The following MVB12A variants were observed in gnomAD, a reference collection of about 807,000 sequenced individuals.
The protein encoded by MVB12A is multivesicular body subunit 12A, also known as CIN85/CD2AP family binding protein.
A neutral mutation model predicts 34.3 loss-of-function variants in MVB12A; 30 were observed. That is an observed-to-expected ratio of 0.88 (90% CI 0.65 to 1.19). MVB12A has a LOEUF of 1.19. Among genes scored for constraint, MVB12A ranks in the 50% most tolerant of loss-of-function variants. The pLI is 0.00. For synonymous variants in MVB12A, 158 were observed against 158.9 expected (o/e 0.99, Z 0.04); for missense variants, 355 against 369.2 (o/e 0.96, Z 0.31).
chr19:17,413,610 AG>A (rs2074782178), intron 2 of MVB12A, among the ~76,000 whole-genome samples: 1 of 151,930 alleles, frequency 6.6e-6, no homozygotes, highest in African/African-American at 2.4e-5. Context: ...CTTGAGCCCA[AG>A]GGGTAGGAGG....
At position 17,420,613 on chromosome 19, in the gene MVB12A, G is replaced by A; in HGVS notation, c.265G>A (p.Val89Ile). 6.2e-7 allele frequency: 1 copy of A among 1,612,858 alleles called. No individual in the cohort carries two copies. Among genetic ancestry groups the A allele is most frequent in the South Asian group, 1.1e-5 (1 of 91,054 alleles). ...KSPLPLGFSP[V>I]CDPMDSKASV... is the part of the protein sequence containing the mutation. Reference sequence around the variant, plus strand: ...CCCCCTGCCGCTGGGCTTCTCCCCCGTCTGCGACCCCATGGATTCCAGTAA... The same window carrying A: ...CCCCCTGCCGCTGGGCTTCTCCCCCATCTGCGACCCCATGGATTCCAGTAA... Residue 89 changes from valine (V) to isoleucine (I), a missense_variant, in exon 3 of 9, where the codon GTC (valine) becomes ATC (isoleucine). Physicochemically the swap from Val to Ile is conservative, Grantham distance 29. Coordinates refer to ENST00000317040, the MANE Select transcript of MVB12A (RefSeq NM_138401.4).
upstream of MVB12A, among the ~76,000 whole-genome samples, chr19:17,416,105 C>T (rs1035726944): frequency 6.6e-5 from 10 of 152,122 alleles, no homozygotes; most frequent in Non-Finnish European, 5.9e-5. Context: ...TTTTTTGAGA[C>T]GGAGTCTTGC....
At position 17,425,310 on chromosome 19, in the gene MVB12A, A is replaced by G; in HGVS notation, c.*317A>G. 3 of 377,396 alleles carry G rather than the reference A, an allele frequency of 7.9e-6. No homozygotes were observed. The highest frequency in any genetic ancestry group is 1.4e-5 in the Non-Finnish European group (3 of 208,490). 23.4% of individuals were successfully genotyped at this position (377,396 alleles called of 1,614,324 possible). A position where few individuals can be genotyped will look rare whatever the true frequency, so the allele number is the denominator to read the frequency against. On this transcript the variant is annotated 3_prime_UTR_variant, in exon 9 of 9. Coordinates refer to ENST00000317040, the MANE Select transcript of MVB12A (RefSeq NM_138401.4). ...AGGCTGTGCGGGTGTCCTCCTGGCA[A>G]TAAACACTACCCGGTTCTCGCCCTC...
Position 17,422,321 on chromosome 19 carries a change from C to G in MVB12A, c.287-11C>G, listed in dbSNP as rs781466611. On this transcript the variant is annotated splice_polypyrimidine_tract_variant and intron_variant, in intron 3 of 8. Transcript: ENST00000317040. ...GCTTCCCTCTCTCACTCCCCTACCC[C>G]CCACTCCCAGAGGCCTCTGTGTCCA... 12 of 1,608,992 alleles carry G rather than the reference C, an allele frequency of 7.5e-6. No individual in the cohort carries two copies. In the African/African-American group the frequency reaches 1.3e-4, roughly 18 times the overall value.
intron 3 of MVB12A, 21 bp downstream of exon 3, chr19:17,420,655 G>A (rs765950113): frequency 2.6e-6 from 4 of 1,558,260 alleles, no homozygotes; most frequent in African/African-American, 2.7e-5. Context: ...CTTCGGAGGC[G>A]AGAGTTGTCC....
intron 2 of MVB12A, chr19:17,414,949 G>A (rs1174561333): frequency 6.6e-6 from 1 of 152,190 alleles, no homozygotes; most frequent in Non-Finnish European, 1.5e-5. Context: ...AGCACTTTGG[G>A]AGGCAGAGGC....
Position 17,422,323 on chromosome 19 carries a change from C to CA in MVB12A, c.287-8dup. 1 of 1,609,202 alleles carries CA rather than the reference C, an allele frequency of 6.2e-7. No homozygotes were observed. The highest frequency in any genetic ancestry group is 2.2e-5 in the East Asian group (1 of 44,680). On this transcript the variant is annotated splice_polypyrimidine_tract_variant and intron_variant, in intron 3 of 8. Transcript: ENST00000317040. ...TTCCCTCTCTCACTCCCCTACCCCC[C>CA]ACTCCCAGAGGCCTCTGTGTCCAAG...
chr19:17,410,575 TACATATATATATACAC>T (rs1226436527), intron 2 of MVB12A, among the ~76,000 whole-genome samples: 3 of 120,750 alleles, frequency 2.5e-5, no homozygotes, highest in South Asian at 2.4e-4. Flanking sequence ...TACATATATA[TACATATATATATACAC>T]ACATATATAT....
At chr19:17,410,539 CAT>C (rs1287902219) in intron 2 of MVB12A, among the ~76,000 whole-genome samples, 980 of 69,556 alleles carry the variant, frequency 0.014, 36 homozygotes, top group African/African-American at 0.021. Context: ...TACACACACA[CAT>C]ATATATATAC....
Position 17,423,817 on chromosome 19 carries a change from A to G in MVB12A, c.640+18A>G, listed in dbSNP as rs756981459. On this transcript the variant is annotated intron_variant, in intron 6 of 8. Transcript: ENST00000317040. ...CATCTCAGGTGAGCACAGAGTGGGG[A>G]AACTGAGGCGTGGAAGTGGAGGGTG... The G allele has an allele frequency of 1.2e-6, 2 of 1,610,332 alleles. No homozygotes were observed. The highest frequency in any genetic ancestry group is 2.2e-5 in the South Asian group (2 of 91,028).
Position 17,425,210 on chromosome 19 carries a change from C to G in MVB12A, c.*217C>G. 1.9e-6 allele frequency: 1 copy of G among 527,930 alleles called. No homozygotes were observed. The highest frequency in any genetic ancestry group is 3.3e-6 in the Non-Finnish European group (1 of 299,810). 32.7% of individuals were successfully genotyped at this position (527,930 alleles called of 1,614,324 possible). ...GGTGATGGGGTCTCCGCCCCCACGCCCTGCCGGGCAGGGCTGGAGCTGGAC... is the reference window on the plus strand; with the variant it reads ...GGTGATGGGGTCTCCGCCCCCACGCGCTGCCGGGCAGGGCTGGAGCTGGAC... On this transcript the variant is annotated 3_prime_UTR_variant, in exon 9 of 9. Coordinates refer to ENST00000317040, the MANE Select transcript of MVB12A (RefSeq NM_138401.4).
upstream of MVB12A, chr19:17,416,993 T>C (rs1329733176): frequency 9.8e-6 from 3 of 307,504 alleles, no homozygotes; most frequent in East Asian, 8.8e-5. Context: ...ACTCCTGGCA[T>C]AGAAAGTTTT....
intron 2 of MVB12A, among the ~76,000 whole-genome samples, chr19:17,413,827 T>G (rs533009022): frequency 6.6e-6 from 1 of 152,322 alleles, no homozygotes; most frequent in Admixed American, 6.5e-5. Context: ...AGTGCTTAGC[T>G]TAGCACTTTG....
At chr19:17,424,524 G>A in intron 7 of MVB12A, 97 bp from the exon 8 acceptor site, 8 of 1,228,300 alleles carry the variant, frequency 6.5e-6, no homozygotes, top group South Asian at 1.3e-5. Context: ...GGGAATATTC[G>A]GGGAGTGTTG....
exon 2 of MVB12A, chr19:17,406,249 C>A (rs1406846943): frequency 6.6e-6 from 1 of 152,194 alleles, no homozygotes; most frequent in African/African-American, 2.4e-5. Context: ...CTGCAGGAAA[C>A]AAGCTCCTAC....
rs1301676410 is a variant in MVB12A, at chr19:17,424,691, T to G, written c.759+14T>G. 6.9e-6 allele frequency: 11 copies of G among 1,601,506 alleles called. No homozygotes were observed. Among genetic ancestry groups the G allele is most frequent in the Non-Finnish European group, 8.5e-6 (10 of 1,171,994 alleles). ...ATTGAGGAGGAGGTGGGTGCAGGGCTAGGGAGGAGGTGGGTGCAGGGCTAG... is the reference window on the plus strand; with the variant it reads ...ATTGAGGAGGAGGTGGGTGCAGGGCGAGGGAGGAGGTGGGTGCAGGGCTAG... On this transcript the variant is annotated intron_variant, in intron 8 of 8. Transcript: ENST00000317040.
Position 17,423,363 on chromosome 19 carries a change from A to ACC in MVB12A, c.414-135_414-134insCC, listed in dbSNP as rs1279536767. On this transcript the variant is annotated intron_variant, in intron 4 of 8. Transcript: ENST00000317040. ...AACATGAGCGAAACTCCGTCCCCAAAAAAAAAAAAAAAAAAAATTCCCCCA... is the reference window on the plus strand; with the variant it reads ...AACATGAGCGAAACTCCGTCCCCAAACCAAAAAAAAAAAAAAAAATTCCCCCA... The ACC allele has an allele frequency of 3.1e-5, 22 of 711,112 alleles. No homozygotes were observed. In the African/African-American group the frequency reaches 4.2e-4, roughly 14 times the overall value. 44.1% of individuals were successfully genotyped at this position (711,112 alleles called of 1,614,324 possible). A position where few individuals can be genotyped will look rare whatever the true frequency, so the allele number is the denominator to read the frequency against.
chr19:17,420,015 G>GCTGGCC, upstream of MVB12A: 2 of 221,214 alleles, frequency 9.0e-6, no homozygotes, highest in Non-Finnish European at 7.2e-6. Context: ...GGCAATCTCC[G>GCTGGCC]CCCCCCCCCC....
chr19:17,405,777 C>CTTT, intron 1 of MVB12A: 2 of 456,732 alleles, frequency 4.4e-6, no homozygotes, highest in South Asian at 3.0e-5. Flanking sequence ...AGGAGGTGGG[C>CTTT]TTTTTTTTCA....
Sources: allele counts gnomAD v4.1 joint callset (sites outside exome capture counted in the v4.1 genomes callset), GRCh38; gene constraint gnomAD v4.1.1; transcripts MANE v1.5; gene names NCBI Gene and HGNC (gene_info 2026-07-23, HGNC 2026-07-21).